Variants in SLC14A2 observed in about 807,000 individuals in gnomAD.
The protein encoded by SLC14A2 is solute carrier family 14 member 2, also known as urea transporter 2.
A neutral mutation model predicts 104.6 loss-of-function variants in SLC14A2; 91 were observed. The observed-to-expected ratio is 0.87, with a 90% CI of 0.73 to 1.04. The LOEUF (loss-of-function observed/expected upper bound fraction) is 1.04. Ranked by LOEUF, SLC14A2 falls within the 50% of genes least tolerant of loss-of-function variation. SLC14A2 has a pLI of 0.00. For missense variants in SLC14A2, 1,189 were observed against 1,156.0 expected, an observed-to-expected ratio of 1.03 and a Z score of -0.41; for synonymous variants, 476 against 466.4, an observed-to-expected ratio of 1.02 and a Z score of -0.27.
chr18:45,589,007 T>G (rs192458647), intron 2 of SLC14A2, among the ~76,000 whole-genome samples: 228 of 151,756 alleles, frequency 1.5e-3, no homozygotes, highest in African/African-American at 5.3e-3. Flanking sequence ...GTTTGATGAC[T>G]GAACAAAGAG....
chr18:45,356,180 G>C (rs1047636184), intron 1 of SLC14A2, among the ~76,000 whole-genome samples: 1 of 152,084 alleles, frequency 6.6e-6, no homozygotes, highest in African/African-American at 2.4e-5. Context: ...CAAAAGGATG[G>C]GTTCTGTGGC....
chr18:45,413,558 T>C (rs993104729), intron 1 of SLC14A2, among the ~76,000 whole-genome samples: 12 of 152,218 alleles, frequency 7.9e-5, no homozygotes, highest in African/African-American at 2.9e-4. Flanking sequence ...GTGGCACTCT[T>C]TCCTCTCCCT....
chr18:45,353,973 G>A (rs1243610469), intron 1 of SLC14A2, among the ~76,000 whole-genome samples: 1 of 152,152 alleles, frequency 6.6e-6, no homozygotes, highest in African/African-American at 2.4e-5. Context: ...AAGGCACGAT[G>A]GTGGAGATGA....
intron 2 of SLC14A2, among the ~76,000 whole-genome samples, chr18:45,499,613 T>C (rs1056274033): frequency 2.0e-5 from 3 of 152,238 alleles, no homozygotes; most frequent in Non-Finnish European, 4.4e-5. Flanking sequence ...TGAAATACTT[T>C]GCAAACTTCT....
chr18:45,341,539 G>A (rs77505894), intron 1 of SLC14A2, among the ~76,000 whole-genome samples: 1,561 of 146,548 alleles, frequency 0.011, 8 homozygotes, highest in Non-Finnish European at 0.015. Context: ...TTTTGTTGGT[G>A]AATTCACTTT....
rs77378406 is a variant in SLC14A2, at chr18:45,520,904, G to A, written c.-35+37582G>A. On this transcript the variant is annotated intron_variant, in intron 2 of 20. Coordinates refer to the SLC14A2 transcript ENST00000586448. ...TAGGATCATGATTATTATTATGACC[G>A]AAAGTCTGCACAGGTGACAGGGCCT... 1.4e-3 allele frequency among the ~76,000 whole-genome samples: 216 copies of A among 152,300 alleles called. 1 individual carries two copies. Among genetic ancestry groups the A allele is most frequent in the African/African-American group, 3.8e-3 (156 of 41,566 alleles).
Position 45,216,962 on chromosome 18 carries a change from G to A in SLC14A2, c.-125+3771G>A, listed in dbSNP as rs190342720. ...TTCTTGTCTATTCTCCACACTCTAA[G>A]TTAGGGTAATAGTCTAACATTGAGT... On this transcript the variant is annotated intron_variant, in intron 1 of 20. Transcript: ENST00000586448. Among the ~76,000 whole-genome samples the A allele has an allele frequency of 1.1e-3, 172 of 152,170 alleles. No individual in the cohort carries two copies. In the Middle Eastern group the frequency reaches 0.017, roughly 15 times the overall value.
intron 1 of SLC14A2, among the ~76,000 whole-genome samples, chr18:45,286,313 A>G (rs776119292): frequency 6.6e-5 from 10 of 152,200 alleles, no homozygotes; most frequent in Middle Eastern, 3.2e-3. Context: ...GGATTCAGCA[A>G]TGTGTCAAAT....
intron 1 of SLC14A2, among the ~76,000 whole-genome samples, chr18:45,387,620 T>C (rs995551282): frequency 6.6e-6 from 1 of 152,214 alleles, no homozygotes; most frequent in African/African-American, 2.4e-5. Context: ...AAAAATTTCT[T>C]AATGACTGCT....
intron 1 of SLC14A2, among the ~76,000 whole-genome samples, chr18:45,327,396 A>C (rs935519816): frequency 4.6e-5 from 7 of 152,184 alleles, no homozygotes; most frequent in Non-Finnish European, 8.8e-5. Flanking sequence ...ACCATGCTAA[A>C]TGAGACAGCT....
chr18:45,420,290 A>T (rs1468650396), intron 1 of SLC14A2, among the ~76,000 whole-genome samples: 1 of 151,902 alleles, frequency 6.6e-6, no homozygotes, highest in Non-Finnish European at 1.5e-5. Context: ...GATACTAAGC[A>T]AGACGTCTTT....
chr18:45,198,360 T>C, the SLC14A2 span, among the ~76,000 whole-genome samples: 14 of 152,218 alleles, frequency 9.2e-5, no homozygotes, highest in East Asian at 2.5e-3. Context: ...ACCACTATCA[T>C]GAGTTTGATG....
At chr18:45,648,388 G>T (rs2045663285) in intron 10 of SLC14A2, among the ~76,000 whole-genome samples, 1 of 151,826 alleles carries the variant, frequency 6.6e-6, no homozygotes, top group Admixed American at 6.6e-5. Context: ...TGTATTTTTA[G>T]TAGAGATGGG....
intron 1 of SLC14A2, among the ~76,000 whole-genome samples, chr18:45,358,750 C>A (rs1434935028): frequency 6.6e-6 from 1 of 152,032 alleles, no homozygotes; most frequent in Non-Finnish European, 1.5e-5. Context: ...CTAACTTTTT[C>A]GTATTTTTTT....
intron 1 of SLC14A2, among the ~76,000 whole-genome samples, chr18:45,457,092 G>A (rs761870033): frequency 1.3e-4 from 20 of 152,094 alleles, no homozygotes; most frequent in Admixed American, 7.9e-4. Context: ...ATTCCACTTT[G>A]GGTGAAAGTT....
intron 2 of SLC14A2, among the ~76,000 whole-genome samples, chr18:45,602,283 A>G (rs543235646): frequency 3.3e-5 from 5 of 152,346 alleles, no homozygotes; most frequent in African/African-American, 1.2e-4. Flanking sequence ...TCTCTTGGAG[A>G]GGGTTAGTGA....
chr18:45,425,693 G>A (rs1259056813), intron 1 of SLC14A2, among the ~76,000 whole-genome samples: 2 of 152,168 alleles, frequency 1.3e-5, no homozygotes, highest in African/African-American at 2.4e-5. Context: ...TTCTAGTAAC[G>A]TGGTCTCTCC....
intron 2 of SLC14A2, among the ~76,000 whole-genome samples, chr18:45,586,785 G>T (rs2044572128): frequency 6.6e-6 from 1 of 152,034 alleles, no homozygotes; most frequent in South Asian, 2.1e-4. Context: ...CCTTCAAGCT[G>T]AATGAGGATC....
chr18:45,288,717 T>G (rs2084839983), intron 1 of SLC14A2, among the ~76,000 whole-genome samples: 1 of 152,214 alleles, frequency 6.6e-6, no homozygotes, highest in South Asian at 2.1e-4. Context: ...AATTCTTCAG[T>G]GACTGACAGA....
Sources: gnomAD v4.1 joint callset for allele counts (sites outside exome capture counted in the v4.1 genomes callset) on GRCh38, gnomAD v4.1.1 for gene constraint, MANE v1.5 for transcripts, NCBI Gene and HGNC (gene_info 2026-07-23, HGNC 2026-07-21) for gene names.